Variants in SLC39A11 observed in about 807,000 individuals in gnomAD.
SLC39A11 encodes solute carrier family 39 member 11, also known as zinc transporter ZIP11.
A neutral mutation model predicts 36.1 loss-of-function variants in SLC39A11; 33 were observed. The observed-to-expected ratio is 0.91, with a 90% CI of 0.69 to 1.22. The LOEUF (loss-of-function observed/expected upper bound fraction) is 1.22. SLC39A11 is among the 50% of genes most tolerant of loss of function. The pLI, the probability that SLC39A11 is intolerant of heterozygous loss-of-function variation, is 0.00. For synonymous variants in SLC39A11, 166 were observed against 170.3 expected (o/e 0.97, Z 0.20); for missense variants, 432 against 430.3 (o/e 1.00, Z -0.03).
intron 5 of SLC39A11, among the ~76,000 whole-genome samples, chr17:72,917,416 G>A (rs912406798): frequency 1.3e-5 from 2 of 152,176 alleles, no homozygotes; most frequent in Non-Finnish European, 2.9e-5. Context: ...GAAACTGCGA[G>A]TTGGGGAAAA....
chr17:72,773,656 C>CACACACACACACACAT (rs1304510250), intron 6 of SLC39A11, among the ~76,000 whole-genome samples: 2 of 150,254 alleles, frequency 1.3e-5, no homozygotes, highest in African/African-American at 5.0e-5. Context: ...CACACACACA[C>CACACACACACACACAT]ACACACACAC....
At chr17:72,941,355 C>T (rs1330450591) in intron 5 of SLC39A11, among the ~76,000 whole-genome samples, 2 of 152,160 alleles carry the variant, frequency 1.3e-5, no homozygotes, top group East Asian at 1.9e-4. Context: ...AGAAACCGAC[C>T]AATCTTGCCA....
At chr17:72,988,003 T>C (rs916419778) in intron 4 of SLC39A11, among the ~76,000 whole-genome samples, 1 of 152,218 alleles carries the variant, frequency 6.6e-6, no homozygotes, top group Non-Finnish European at 1.5e-5. Context: ...TTTATTATTT[T>C]TGTGAGTACA....
chr17:72,818,956 A>G (rs890194513), intron 6 of SLC39A11: 3 of 152,182 alleles, frequency 2.0e-5, no homozygotes, highest in Admixed American at 2.0e-4. Context: ...AAGAAACTGG[A>G]TAAAAATGAA....
At chr17:72,967,336 CCCT>C (rs2087065794) in intron 4 of SLC39A11, among the ~76,000 whole-genome samples, 1 of 147,020 alleles carries the variant, frequency 6.8e-6, no homozygotes, top group South Asian at 2.2e-4. Context: ...TAAGAAAACA[CCCT>C]CATGAGAAGA....
At chr17:73,084,110 C>G (rs1446404643) in intron 3 of SLC39A11, among the ~76,000 whole-genome samples, 3 of 152,108 alleles carry the variant, frequency 2.0e-5, no homozygotes, top group African/African-American at 7.2e-5. Context: ...GGATGCATTA[C>G]AGGCTTCTAT....
intron 3 of SLC39A11, among the ~76,000 whole-genome samples, chr17:73,037,825 T>C (rs2143331231): frequency 1.3e-5 from 2 of 152,324 alleles, no homozygotes; most frequent in South Asian, 4.1e-4. Context: ...GGGGAAGGTT[T>C]GGGTGGGGCC....
chr17:72,871,674 T>A lies in SLC39A11; in HGVS notation c.431-21870A>T, dbSNP rs567995893. Among the ~76,000 whole-genome samples the A allele has an allele frequency of 2.6e-5, 4 of 152,230 alleles. No homozygotes were observed. In the South Asian group the frequency reaches 8.3e-4, roughly 32 times the overall value. ...TGCTGGAAGGGTGACATGTGCCCCA[T>A]CCCCCAGGCCTTGTCCTGTGTGTCT... On this transcript the variant is annotated intron_variant, in intron 5 of 9. Transcript: ENST00000255559.
rs767720793 is a variant in SLC39A11 at position 72,998,590 on chromosome 17, A to T, written c.306+32966T>A. ...ATGAATCACAGAAAACAAAGACGTGATAGGAATGGGGCAGTAAGTGGGAAT... is the reference window on the plus strand; with the variant it reads ...ATGAATCACAGAAAACAAAGACGTGTTAGGAATGGGGCAGTAAGTGGGAAT... On this transcript the variant is annotated intron_variant, in intron 4 of 9. Coordinates refer to ENST00000255559, the MANE Select transcript of SLC39A11 (RefSeq NM_139177.4). 1.6e-4 allele frequency among the ~76,000 whole-genome samples: 24 copies of T among 152,338 alleles called. No homozygotes were observed. In the Middle Eastern group the frequency reaches 0.017, roughly 108 times the overall value.
chr17:73,005,834 C>G (rs1198989944), intron 4 of SLC39A11, among the ~76,000 whole-genome samples: 1 of 152,064 alleles, frequency 6.6e-6, no homozygotes, highest in Non-Finnish European at 1.5e-5. Flanking sequence ...GTCTGTAGTC[C>G]CAGCTACTCG....
chr17:72,808,111 A>G (rs2077321074), intron 6 of SLC39A11, among the ~76,000 whole-genome samples: 1 of 152,184 alleles, frequency 6.6e-6, no homozygotes, highest in Admixed American at 6.5e-5. Context: ...TTGGGAAAAC[A>G]GGAGTTTCTC....
intron 6 of SLC39A11, among the ~76,000 whole-genome samples, chr17:72,787,253 C>CTTTT (rs56100121): frequency 0.027 from 2,157 of 80,404 alleles, 114 homozygotes; most frequent in Middle Eastern, 0.042. Flanking sequence ...TAACCCATGG[C>CTTTT]TTTTTTTTTT....
At chr17:73,081,902 T>C (rs10852743) in intron 3 of SLC39A11, among the ~76,000 whole-genome samples, 52,679 of 150,310 alleles carry the variant, frequency 0.35, 9,602 homozygotes, top group South Asian at 0.45. Context: ...TCTTCACTCA[T>C]AAGCGGGAGC....
In SLC39A11 at chr17:72,727,110, C is replaced by T. The variant is rs142167986; in HGVS notation, c.671+9540G>A. On this transcript the variant is annotated intron_variant, in intron 7 of 9. Transcript: ENST00000255559. ...ACGCGTGCTTAGTCAAAGCTTAAAA[C>T]AGGAAGTGGTATGTGAAGCTGAGTG... Among the ~76,000 whole-genome samples, 1,093 of 152,280 alleles carry T rather than the reference C, an allele frequency of 7.2e-3. 14 individuals carry two copies. The highest frequency in any genetic ancestry group is 0.025 in the African/African-American group (1,053 of 41,552).
intron 6 of SLC39A11, among the ~76,000 whole-genome samples, chr17:72,754,204 C>T (rs571061184): frequency 6.5e-4 from 98 of 151,714 alleles, no homozygotes; most frequent in Admixed American, 2.1e-3. Context: ...AATGGAAAAC[C>T]AAACATCATA....
intron 4 of SLC39A11, among the ~76,000 whole-genome samples, chr17:72,994,318 C>T (rs2089367190): frequency 6.6e-6 from 1 of 152,024 alleles, no homozygotes; most frequent in African/African-American, 2.4e-5. Flanking sequence ...AAGCAAAATA[C>T]ACAACTAATA....
chr17:72,727,651 C>CAA (rs57874434), intron 7 of SLC39A11, among the ~76,000 whole-genome samples: 24 of 73,082 alleles, frequency 3.3e-4, no homozygotes, highest in East Asian at 1.1e-3. Flanking sequence ...GACTCCGTCT[C>CAA]AAAAAAAAAA....
chr17:73,020,940 C>T (rs541420604), intron 4 of SLC39A11, among the ~76,000 whole-genome samples: 6 of 152,232 alleles, frequency 3.9e-5, no homozygotes, highest in Admixed American at 1.3e-4. Context: ...CTTGGCTTCC[C>T]AAAGTGCTGA....
At chr17:72,952,229 AG>A (rs2085914745) in intron 4 of SLC39A11, among the ~76,000 whole-genome samples, 1 of 152,180 alleles carries the variant, frequency 6.6e-6, no homozygotes, top group Non-Finnish European at 1.5e-5. Context: ...CTCTGATCCC[AG>A]GCACTGGCCT....
Sources: allele counts gnomAD v4.1 joint callset (sites outside exome capture counted in the v4.1 genomes callset), GRCh38; gene constraint gnomAD v4.1.1; transcripts MANE v1.5; gene names NCBI Gene and HGNC (gene_info 2026-07-23, HGNC 2026-07-21).